Variants in VPS37B observed in about 807,000 individuals in gnomAD.
The protein encoded by VPS37B is VPS37B subunit of ESCRT-I.
A neutral mutation model predicts 21.2 loss-of-function variants in VPS37B; 11 were observed. The ratio of observed to expected loss-of-function variants is 0.52; its 90% CI spans 0.33 to 0.86. The LOEUF is 0.86. Among genes scored for constraint, VPS37B ranks in the 40% least tolerant of loss-of-function variants. The pLI is 0.03. For synonymous variants in VPS37B, 175 were observed against 159.6 expected, an observed-to-expected ratio of 1.10 and a Z score of -0.73; for missense variants, 389 against 374.8, an observed-to-expected ratio of 1.04 and a Z score of -0.31.
chr12:122,871,427 A>G, intron 1 of VPS37B: 1 of 1,001,004 alleles, frequency 1.0e-6, no homozygotes, highest in Admixed American at 5.8e-5. Flanking sequence ...ATTTTTTTCA[A>G]AACAAGTTTC....
intron 1 of VPS37B, chr12:122,872,630 C>CT (rs2034060578): frequency 1.0e-6 from 1 of 985,322 alleles, no homozygotes; most frequent in Admixed American, 6.1e-5. Flanking sequence ...GCTTTCTATG[C>CT]CAGGCCATGC....
chr12:122,872,529 G>A, intron 1 of VPS37B: 5 of 985,380 alleles, frequency 5.1e-6, no homozygotes, highest in Non-Finnish European at 6.0e-6. Flanking sequence ...GGAGAATCTT[G>A]GGACTGGAAA....
intron 1 of VPS37B, chr12:122,871,344 G>GC (rs1227474486): frequency 1.5e-5 from 17 of 1,143,764 alleles, no homozygotes; most frequent in Non-Finnish European, 1.8e-5. Context: ...TGCCACGGCT[G>GC]CGCTGTGACT....
At chr12:122,888,180 A>G (rs1316180390) in intron 1 of VPS37B, 1 of 172,158 alleles carries the variant, frequency 5.8e-6, no homozygotes, top group African/African-American at 2.4e-5. Flanking sequence ...CTTTTCACAT[A>G]AACTCTTTGA....
chr12:122,868,243 C>T lies in VPS37B; in HGVS notation c.366+237G>A, dbSNP rs1347315311. 1.3e-5 allele frequency among the ~76,000 whole-genome samples: 2 copies of T among 152,022 alleles called. No homozygotes were observed. Among genetic ancestry groups the T allele is most frequent in the African/African-American group, 4.8e-5 (2 of 41,382 alleles). On this transcript the variant is annotated intron_variant, in intron 3 of 3. Transcript: ENST00000267202. The surrounding 1 kb of genome is among the most constrained non-coding windows in gnomAD (Gnocchi z 5.5). ...AGGGGCCGGCGTTCACAGGGTGGCA[C>T]GCATGCCCTCTCTTGGCCCTCGCTC... is the stretch of plus-strand genomic sequence containing the variant.
chr12:122,888,670 C>T (rs1032582084), intron 1 of VPS37B: 37 of 448,790 alleles, frequency 8.2e-5, no homozygotes, highest in African/African-American at 7.2e-4. Context: ...CTTCTGGGTT[C>T]CTCTTCCAGC....
intron 1 of VPS37B, 140 bp from the exon 2 acceptor site, chr12:122,871,201 A>C: frequency 7.0e-7 from 1 of 1,427,108 alleles, no homozygotes; most frequent in Non-Finnish European, 9.2e-7. Context: ...TGCCAGGCAG[A>C]TGCTACTGAC....
chr12:122,889,433 C>G (rs1008518355), intron 1 of VPS37B: 2 of 152,574 alleles, frequency 1.3e-5, no homozygotes, highest in Admixed American at 6.5e-5. Flanking sequence ...CCCTAAAGAG[C>G]AGTTTCAGGC....
At chr12:122,876,203 A>G (rs899535544) in intron 1 of VPS37B, 1 of 152,264 alleles carries the variant, frequency 6.6e-6, no homozygotes, top group Admixed American at 6.5e-5. Context: ...TAACAGCAGC[A>G]GCCCGAGTGG....
rs1483897325 is a variant in VPS37B at position 122,867,596 on chromosome 12, C to G, written c.378G>C (p.Glu126Asp). The G allele has an allele frequency of 2.5e-6, 4 of 1,613,080 alleles. No individual in the cohort carries two copies. Among genetic ancestry groups the G allele is most frequent in the Non-Finnish European group, 8.5e-7 (1 of 1,180,006 alleles). ...GAGGAAGTTCTCCATCCAGAAACTT[C>G]TCTGCCATGTTCTGAAAGAGGCAGA... ...KIEEDTENMA[E>D]KFLDGELPLD... Residue 126 changes from glutamate to aspartate, a missense_variant, in exon 4 of 4, where the codon GAG (glutamate) becomes GAC (aspartate). By Grantham distance (45) the Glu-to-Asp change is conservative. Transcript: ENST00000267202. The surrounding 1 kb of genome is among the most constrained non-coding windows in gnomAD (Gnocchi z 5.5).
At chr12:122,891,302 A>G (rs1404537041) in intron 1 of VPS37B, among the ~76,000 whole-genome samples, 2 of 152,204 alleles carry the variant, frequency 1.3e-5, no homozygotes, top group African/African-American at 4.8e-5. Context: ...CATCTTAATA[A>G]AAGGGAGCTG....
chr12:122,893,465 T>C (rs2034445332), intron 1 of VPS37B, among the ~76,000 whole-genome samples: 1 of 13,026 alleles, frequency 7.7e-5, no homozygotes, highest in African/African-American at 3.9e-4. Flanking sequence ...ATGTTCCATT[T>C]GGTCAACAGT....
rs1209675128 is a variant in VPS37B at position 122,867,099 on chromosome 12, A to C, written c.*17T>G. ...CGCCAGGTGGAAGAAGTCTCCCGGG[A>C]AGGACCGCGCCGGCGCTCACTGGAG... On this transcript the variant is annotated 3_prime_UTR_variant, in exon 4 of 4. Transcript: ENST00000267202. This position sits in a 1 kb window ranked among gnomAD's most constrained non-coding sequence, Gnocchi z 5.5. The C allele has an allele frequency of 6.6e-7, 1 of 1,506,792 alleles. No individual in the cohort carries two copies. Among genetic ancestry groups the C allele is most frequent in the Admixed American group, 2.4e-5 (1 of 41,766 alleles). The allele number at this position is 1,506,792 out of a possible 1,614,324, so 93.3% of individuals were successfully genotyped here. A position where few individuals can be genotyped will look rare whatever the true frequency, so the allele number is the denominator to read the frequency against.
At chr12:122,872,785 A>G (rs1242877719) in intron 1 of VPS37B, 2 of 764,128 alleles carry the variant, frequency 2.6e-6, no homozygotes, top group Non-Finnish European at 3.2e-6. Flanking sequence ...GGGCATTTAT[A>G]TCAGAGAAAT....
chr12:122,872,846 T>C (rs2135700805), intron 1 of VPS37B: 1 of 291,988 alleles, frequency 3.4e-6, no homozygotes, highest in African/African-American at 2.3e-5. Context: ...GAGCAACATT[T>C]ATTTGTAACA....
intron 1 of VPS37B, chr12:122,887,367 CAG>C (rs1309835694): frequency 1.3e-5 from 2 of 152,266 alleles, no homozygotes; most frequent in Non-Finnish European, 2.9e-5. Context: ...AGCTCCTTAA[CAG>C]GGCATATGAG....
Position 122,867,486 on chromosome 12 carries a change from A to G in VPS37B, c.488T>C (p.Val163Ala). 1 of 1,613,910 alleles carries G rather than the reference A, an allele frequency of 6.2e-7. No homozygotes were observed. Among genetic ancestry groups the G allele is most frequent in the Non-Finnish European group, 8.5e-7 (1 of 1,179,994 alleles). ...CTGTGGGAGTCTCTGCCCCTTTAGG[A>G]CCATCTCCTGGAGCTTCTCGATTTT... Reference protein sequence around the residue: ...RVKIEKLQEMVLKGQRLPQAL... With the variant: ...RVKIEKLQEMALKGQRLPQAL... The change falls in exon 4 of 4, where the codon GTC (valine) becomes GCC (alanine). Residue 163 changes from valine to alanine, a missense_variant. Physicochemically the swap from Val to Ala is moderately conservative, Grantham distance 64 (BLOSUM62 0). Coordinates refer to ENST00000267202, the MANE Select transcript of VPS37B (RefSeq NM_024667.3). This position sits in a 1 kb window ranked among gnomAD's most constrained non-coding sequence, Gnocchi z 5.5.
At chr12:122,886,666 A>G (rs1048738671) in intron 1 of VPS37B, 3 of 152,332 alleles carry the variant, frequency 2.0e-5, no homozygotes, top group African/African-American at 7.2e-5. Context: ...TTATAATACA[A>G]TTAACATCCA....
intron 1 of VPS37B, among the ~76,000 whole-genome samples, chr12:122,890,873 T>C (rs1401806876): frequency 6.6e-6 from 1 of 152,220 alleles, no homozygotes; most frequent in African/African-American, 2.4e-5. Flanking sequence ...AGCAATTATG[T>C]CCTACTTGTG....
Sources: allele counts gnomAD v4.1 joint callset (sites outside exome capture counted in the v4.1 genomes callset), GRCh38; gene constraint gnomAD v4.1.1; non-coding constraint Gnocchi (gnomAD v3.1); transcripts MANE v1.5; gene names NCBI Gene and HGNC (gene_info 2026-07-23, HGNC 2026-07-21).